The following ADAMTS9 variants were observed in gnomAD, a reference collection of about 807,000 sequenced individuals.
ADAMTS9 encodes ADAM metallopeptidase with thrombospondin type 1 motif 9, also known as A disintegrin and metalloproteinase with thrombospondin motifs 9.
A neutral mutation model predicts 257.1 loss-of-function variants in ADAMTS9; 107 were observed. The observed-to-expected ratio is 0.42, with a 90% CI of 0.36 to 0.49. The LOEUF (loss-of-function observed/expected upper bound fraction) is 0.49. ADAMTS9 is among the 20% of genes least tolerant of loss of function. The probability of loss-of-function intolerance (pLI) is 0.03; values close to 1 mark genes in which losing one functional copy is unlikely to be tolerated. For missense variants in ADAMTS9, 2,353 were observed against 2,469.1 expected (o/e 0.95, Z 1.00); for synonymous variants, 982 against 880.9 (o/e 1.11, Z -2.03).
chr3:64,620,387 T>C (rs575132726), intron 19 of ADAMTS9, among the ~76,000 whole-genome samples: 5 of 151,718 alleles, frequency 3.3e-5, no homozygotes, highest in African/African-American at 1.2e-4. Flanking sequence ...CCTTAACACA[T>C]TCCTATACCA....
chr3:64,654,694 A>T, intron 6 of ADAMTS9, 82 bp from the exon 7 acceptor site: 1 of 1,488,588 alleles, frequency 6.7e-7, no homozygotes, highest in Non-Finnish European at 9.3e-7. Flanking sequence ...TCGTCTAGGC[A>T]TTCACAACAG....
chr3:64,655,544 T>C (rs771617083), intron 6 of ADAMTS9, 32 bp downstream of exon 6: 7 of 1,549,362 alleles, frequency 4.5e-6, no homozygotes, highest in East Asian at 2.2e-5. Context: ...GACCTGAGAC[T>C]GAAAGATCTG....
intron 39 of ADAMTS9, among the ~76,000 whole-genome samples, chr3:64,520,769 T>A (rs947900476): frequency 6.6e-6 from 1 of 152,190 alleles, no homozygotes; most frequent in Non-Finnish European, 1.5e-5. Flanking sequence ...ATTGAACTCT[T>A]ACCTCTTACC....
rs1701958216 is a variant in ADAMTS9 at position 64,687,721 on chromosome 3, C to A, written c.-64G>T. On this transcript the variant is annotated 5_prime_UTR_variant, in exon 1 of 40. Transcript: ENST00000498707. The surrounding 1 kb of genome is among the most constrained non-coding windows in gnomAD (Gnocchi z 4.4). Reference sequence around the variant, plus strand: ...TCCCTCCTGCCCTCCTTGGCTGCGGCGGCGACGCGAGGCAGCGGCCGTGGA... The same window carrying A: ...TCCCTCCTGCCCTCCTTGGCTGCGGAGGCGACGCGAGGCAGCGGCCGTGGA... 7.8e-7 allele frequency: 1 copy of A among 1,287,168 alleles called. No individual in the cohort carries two copies. 79.7% of individuals were successfully genotyped at this position (1,287,168 alleles called of 1,614,324 possible).
chr3:64,586,932 T>C (rs1427894439), intron 28 of ADAMTS9: 1 of 152,186 alleles, frequency 6.6e-6, no homozygotes, highest in Non-Finnish European at 1.5e-5. Flanking sequence ...TTCAAGCTTC[T>C]ACAAGGTGGC....
At chr3:64,649,802 CAGATGGTGAGAACGGTGG>C in intron 9 of ADAMTS9, 24 bp from the exon 10 acceptor site, 1 of 1,602,720 alleles carries the variant, frequency 6.2e-7, no homozygotes, top group Non-Finnish European at 8.5e-7. Context: ...CAGAAACACA[CAGATGGTGAGAACGGTGG>C]CTGTCAAGGT....
intron 30 of ADAMTS9, chr3:64,561,374 C>A (rs1277836975): frequency 5.6e-6 from 2 of 356,524 alleles, no homozygotes; most frequent in Non-Finnish European, 4.9e-6. Context: ...GGAATACAGA[C>A]AGACGTAGGA....
intron 38 of ADAMTS9, among the ~76,000 whole-genome samples, chr3:64,525,428 C>A (rs917425373): frequency 1.3e-5 from 2 of 152,066 alleles, no homozygotes; most frequent in African/African-American, 4.8e-5. Flanking sequence ...CTATGATGAA[C>A]ATATTTGTGC....
rs190978193 is a variant in ADAMTS9, at chr3:64,541,511, G to T, written c.5292+15C>A. Reference sequence around the variant, plus strand: ...AAAAACATTCTTGAAATAATGACTGGTGTCTGACATTCACCTTCAGAAGCT... The same window carrying T: ...AAAAACATTCTTGAAATAATGACTGTTGTCTGACATTCACCTTCAGAAGCT... On this transcript the variant is annotated intron_variant, in intron 34 of 39. Coordinates refer to ENST00000498707, the MANE Select transcript of ADAMTS9 (RefSeq NM_182920.2). The T allele has an allele frequency of 6.2e-7, 1 of 1,610,624 alleles. No individual in the cohort carries two copies. Among genetic ancestry groups the T allele is most frequent in the African/African-American group, 1.3e-5 (1 of 74,946 alleles).
At chr3:64,533,366 G>C in intron 37 of ADAMTS9, 96 bp from the exon 38 acceptor site, 1 of 949,694 alleles carries the variant, frequency 1.1e-6, no homozygotes, top group Non-Finnish European at 1.7e-6. Context: ...CTTTGGAAAA[G>C]AGAAGGATGT....
At position 64,686,243 on chromosome 3, in the gene ADAMTS9, C is replaced by T. The variant is rs903362914; in HGVS notation, c.516+325G>A. ...TGGCCAAGTTTGCTGCAGGGAACCGCAACTCCAGTAACTTTCTCCGAGTTT... is the reference window on the plus strand; with the variant it reads ...TGGCCAAGTTTGCTGCAGGGAACCGTAACTCCAGTAACTTTCTCCGAGTTT... On this transcript the variant is annotated intron_variant, in intron 2 of 39. Transcript: ENST00000498707. This position sits in a 1 kb window ranked among gnomAD's most constrained non-coding sequence, Gnocchi z 4.6. Among the ~76,000 whole-genome samples the T allele has an allele frequency of 6.6e-6, 1 of 152,248 alleles. No homozygotes were observed. Among genetic ancestry groups the T allele is most frequent in the Non-Finnish European group, 1.5e-5 (1 of 68,048 alleles).
intron 37 of ADAMTS9, 99 bp downstream of exon 37, chr3:64,539,103 AC>A: frequency 8.1e-7 from 1 of 1,233,658 alleles, no homozygotes; most frequent in Non-Finnish European, 1.2e-6. Context: ...CTCTAGAGCA[AC>A]TGTTCTAATC....
chr3:64,636,184 G>A (rs1700491221), intron 12 of ADAMTS9, among the ~76,000 whole-genome samples: 1 of 152,090 alleles, frequency 6.6e-6, no homozygotes, highest in Non-Finnish European at 1.5e-5. Flanking sequence ...TTTATAGGTG[G>A]CTTCCCTTCA....
At chr3:64,585,626 G>A (rs2084128088) in intron 28 of ADAMTS9, among the ~76,000 whole-genome samples, 1 of 152,056 alleles carries the variant, frequency 6.6e-6, no homozygotes, top group Non-Finnish European at 1.5e-5. Flanking sequence ...CCTTCTGCAA[G>A]GAACCTCATC....
chr3:64,551,065 G>A lies in ADAMTS9; in HGVS notation c.4699-3C>T. 5 of 1,613,874 alleles carry A rather than the reference G, an allele frequency of 3.1e-6. No individual in the cohort carries two copies. The highest frequency in any genetic ancestry group is 4.2e-6 in the Non-Finnish European group (5 of 1,179,850). On this transcript the variant is annotated splice_region_variant and splice_polypyrimidine_tract_variant and intron_variant, in intron 30 of 39. Coordinates refer to ENST00000498707, the MANE Select transcript of ADAMTS9 (RefSeq NM_182920.2). The stretch of plus-strand genomic sequence containing the variant: ...CCTTCGCCGCAGGTCTTGGTGCACT[G>A]TTAAATACAAGCAAAAGAGAAGAAT...
intron 38 of ADAMTS9, among the ~76,000 whole-genome samples, chr3:64,530,535 A>G (rs1376253513): frequency 6.6e-6 from 1 of 151,512 alleles, no homozygotes; most frequent in African/African-American, 2.4e-5. Context: ...TTAAAAAAAA[A>G]AAAAAAAAAA....
chr3:64,630,922 G>A (rs1403325997), intron 16 of ADAMTS9, among the ~76,000 whole-genome samples: 5 of 152,108 alleles, frequency 3.3e-5, no homozygotes, highest in African/African-American at 1.2e-4. Flanking sequence ...GTGAGAAGAG[G>A]ATAAAAAATC....
chr3:64,644,266 G>C lies in ADAMTS9; in HGVS notation c.1711-2273C>G, dbSNP rs766513714. ...ATTATTACTTCCATTTTTACGAAAA[G>C]AAAATGAAGGGACAGAGGAGTTGAT... On this transcript the variant is annotated intron_variant, in intron 11 of 39. Transcript: ENST00000498707. Among the ~76,000 whole-genome samples the C allele has an allele frequency of 5.3e-4, 81 of 152,206 alleles. 1 individual carries two copies. The highest frequency in any genetic ancestry group is 3.4e-3 in the Middle Eastern group (1 of 294).
At chr3:64,638,624 C>A (rs951044529) in intron 12 of ADAMTS9, among the ~76,000 whole-genome samples, 7 of 152,204 alleles carry the variant, frequency 4.6e-5, no homozygotes, top group African/African-American at 7.2e-5. Flanking sequence ...CACTTAAAGA[C>A]AAAATATGAG....
Sources: allele counts gnomAD v4.1 joint callset (sites outside exome capture counted in the v4.1 genomes callset), GRCh38; gene constraint gnomAD v4.1.1; non-coding constraint Gnocchi (gnomAD v3.1); transcripts MANE v1.5; gene names NCBI Gene and HGNC (gene_info 2026-07-23, HGNC 2026-07-21).